The following CALN1 variants were observed in gnomAD, a reference collection of about 807,000 sequenced individuals.
CALN1 encodes calcium-binding protein 8.
Under a neutral mutation model 30.6 loss-of-function variants are expected in CALN1, and 17 were observed. That is an observed-to-expected ratio of 0.56 (90% CI 0.38 to 0.83). The LOEUF (loss-of-function observed/expected upper bound fraction) is 0.83. Among genes scored for constraint, CALN1 ranks in the 40% least tolerant of loss-of-function variants. CALN1 has a pLI of 0.00. For synonymous variants in CALN1, 156 were observed against 131.4 expected (o/e 1.19, Z -1.28); for missense variants, 291 against 354.9 (o/e 0.82, Z 1.45).
intron 5 of CALN1, among the ~76,000 whole-genome samples, chr7:71,821,544 G>A (rs1018473099): frequency 7.2e-5 from 11 of 152,018 alleles, no homozygotes; most frequent in Non-Finnish European, 1.3e-4. Flanking sequence ...AACGGTATGG[G>A]GGAAAACTGC....
chr7:72,317,763 A>T (rs1488389265), intron 2 of CALN1, among the ~76,000 whole-genome samples: 1 of 152,176 alleles, frequency 6.6e-6, no homozygotes, highest in Non-Finnish European at 1.5e-5. Flanking sequence ...TAAGAAAAAG[A>T]ACTCAATGTC....
intron 3 of CALN1, among the ~76,000 whole-genome samples, chr7:72,198,032 G>A (rs1341808639): frequency 6.6e-6 from 1 of 152,216 alleles, no homozygotes; most frequent in South Asian, 2.1e-4. Flanking sequence ...CTCTTTGGAG[G>A]GGAAGTGCCT....
At chr7:71,997,484 C>G (rs1306091056) in intron 5 of CALN1, among the ~76,000 whole-genome samples, 1 of 152,112 alleles carries the variant, frequency 6.6e-6, no homozygotes. Flanking sequence ...GGAGAGGAGA[C>G]ACAAAATGGT....
Position 71,945,052 on chromosome 7 carries a change from T to C in CALN1, c.501+78605A>G, listed in dbSNP as rs1037156117. On this transcript the variant is annotated intron_variant, in intron 5 of 6. Coordinates refer to ENST00000395275, the MANE Select transcript of CALN1 (RefSeq NM_031468.4). ...TAGGGGCGGATCCCTCATGAATGTC[T>C]TGAGGCCCTCCCCACAGTAATAAGT... is the stretch of plus-strand genomic sequence containing the variant. Among the ~76,000 whole-genome samples the C allele has an allele frequency of 5.9e-5, 9 of 152,328 alleles. No individual in the cohort carries two copies. The East Asian group carries it at 1.7e-3, about 29-fold the overall frequency.
chr7:71,844,889 T>C (rs547788307), intron 5 of CALN1, among the ~76,000 whole-genome samples: 85 of 152,166 alleles, frequency 5.6e-4, no homozygotes, highest in Non-Finnish European at 1.0e-3. Flanking sequence ...CTTATTTTTT[T>C]CAATTTTTTA....
chr7:71,888,482 AAAAAC>A (rs1793050416), intron 5 of CALN1, among the ~76,000 whole-genome samples: 2 of 147,336 alleles, frequency 1.4e-5, no homozygotes, highest in Non-Finnish European at 3.0e-5. Flanking sequence ...AAAAAAGCAA[AAAAAC>A]AAAAAAACAA....
At chr7:72,264,689 CAACT>C (rs1438663089) in intron 3 of CALN1, among the ~76,000 whole-genome samples, 1 of 152,120 alleles carries the variant, frequency 6.6e-6, no homozygotes, top group Non-Finnish European at 1.5e-5. Context: ...TTGTTGTTAA[CAACT>C]TTTAAGTTTA....
At chr7:72,279,110 CTT>C (rs1797560167) in intron 2 of CALN1, among the ~76,000 whole-genome samples, 1 of 152,172 alleles carries the variant, frequency 6.6e-6, no homozygotes, top group South Asian at 2.1e-4. Context: ...CGAACTATCT[CTT>C]TGCAAACGGC....
At chr7:72,042,087 T>C (rs1266963231) in intron 4 of CALN1, among the ~76,000 whole-genome samples, 1 of 152,208 alleles carries the variant, frequency 6.6e-6, no homozygotes, top group African/African-American at 2.4e-5. Context: ...AGAATTTTTA[T>C]AAAAGGGACT....
chr7:71,825,893 C>T (rs577394586), intron 5 of CALN1, among the ~76,000 whole-genome samples: 12 of 151,624 alleles, frequency 7.9e-5, no homozygotes, highest in East Asian at 1.9e-4. Flanking sequence ...ATTAGCCGGG[C>T]GTGGTGGCAG....
chr7:72,141,334 T>A (rs150027618), intron 3 of CALN1, among the ~76,000 whole-genome samples: 9 of 152,082 alleles, frequency 5.9e-5, no homozygotes, highest in Non-Finnish European at 1.3e-4. Flanking sequence ...GTGCAGTGGC[T>A]CACACCTGCA....
At chr7:71,923,918 C>T (rs1347319973) in intron 5 of CALN1, among the ~76,000 whole-genome samples, 6 of 152,038 alleles carry the variant, frequency 3.9e-5, no homozygotes, top group Admixed American at 3.9e-4. Flanking sequence ...CAGGGCTGGG[C>T]ATAGTGGCTC....
chr7:71,999,335 C>T (rs1799411417), intron 5 of CALN1, among the ~76,000 whole-genome samples: 3 of 152,052 alleles, frequency 2.0e-5, no homozygotes, highest in Non-Finnish European at 4.4e-5. Context: ...GAAGCAAAAA[C>T]AGAGTTAACA....
chr7:72,271,652 AG>A (rs1183236103), intron 3 of CALN1, among the ~76,000 whole-genome samples: 2 of 147,936 alleles, frequency 1.4e-5, no homozygotes, highest in African/African-American at 5.0e-5. Context: ...ACAAATATGT[AG>A]AAAAGAGGAA....
upstream of CALN1, among the ~76,000 whole-genome samples, chr7:72,450,901 T>C (rs1280638225): frequency 6.6e-6 from 1 of 152,052 alleles, no homozygotes; most frequent in Non-Finnish European, 1.5e-5. Context: ...AGGATCCTCA[T>C]GTGGGGCAGG....
intron 3 of CALN1, among the ~76,000 whole-genome samples, chr7:72,167,638 C>T (rs368423514): frequency 7.2e-5 from 11 of 152,318 alleles, no homozygotes; most frequent in African/African-American, 1.4e-4. Flanking sequence ...AGCCACCGTG[C>T]GCAGCTACAT....
intron 3 of CALN1, among the ~76,000 whole-genome samples, chr7:72,200,132 C>T (rs998848564): frequency 4.6e-5 from 7 of 152,030 alleles, no homozygotes; most frequent in African/African-American, 1.7e-4. Flanking sequence ...CCCGACAAAT[C>T]AACTCAAAAA....
At chr7:72,138,600 C>T (rs938446634) in intron 3 of CALN1, among the ~76,000 whole-genome samples, 6 of 152,166 alleles carry the variant, frequency 3.9e-5, no homozygotes, top group South Asian at 2.1e-4. Flanking sequence ...ATTTTAGCAC[C>T]GGCTGAGAAC....
intron 3 of CALN1, among the ~76,000 whole-genome samples, chr7:72,185,485 G>A (rs1490924513): frequency 6.6e-6 from 1 of 152,178 alleles, no homozygotes; most frequent in African/African-American, 2.4e-5. Context: ...AGCCAACTAG[G>A]TTGTGGTAAG....
Sources: allele counts gnomAD v4.1 joint callset (sites outside exome capture counted in the v4.1 genomes callset), GRCh38; gene constraint gnomAD v4.1.1; transcripts MANE v1.5; gene names NCBI Gene and HGNC (gene_info 2026-07-23, HGNC 2026-07-21).